Variants in SCAPER observed in about 807,000 individuals in gnomAD.
The protein encoded by SCAPER is S phase cyclin A-associated protein in the endoplasmic reticulum.
SCAPER carries 98 observed loss-of-function variants against 182.2 expected under a neutral mutation model. The ratio of observed to expected loss-of-function variants is 0.54; its 90% confidence interval spans 0.46 to 0.64. The LOEUF (loss-of-function observed/expected upper bound fraction) is 0.64. SCAPER is among the 30% of genes least tolerant of loss of function. The pLI is 0.00. For synonymous variants in SCAPER, 605 were observed against 564.6 expected, an observed-to-expected ratio of 1.07 and a Z score of -1.01; for missense variants, 1,432 against 1,690.0, an observed-to-expected ratio of 0.85 and a Z score of 2.68.
intron 14 of SCAPER, among the ~76,000 whole-genome samples, chr15:76,756,170 G>A (rs1307090591): frequency 6.7e-6 from 1 of 149,012 alleles, no homozygotes; most frequent in Non-Finnish European, 1.5e-5. Context: ...CTTGAACTCG[G>A]GAGGTGGAGG....
intron 5 of SCAPER, among the ~76,000 whole-genome samples, chr15:76,839,849 G>A (rs957951069): frequency 1.3e-5 from 2 of 152,106 alleles, no homozygotes; most frequent in Admixed American, 6.6e-5. Context: ...ACAAAAAGAC[G>A]TCATTGCAAT....
At chr15:76,746,628 G>A (rs935257369) in intron 15 of SCAPER, among the ~76,000 whole-genome samples, 1 of 152,068 alleles carries the variant, frequency 6.6e-6, no homozygotes. Flanking sequence ...GAATCCAAAA[G>A]AATTCACTAA....
At chr15:76,576,721 C>G (rs1329341508) in intron 22 of SCAPER, 1 of 152,180 alleles carries the variant, frequency 6.6e-6, no homozygotes, top group Non-Finnish European at 1.5e-5. Flanking sequence ...GTGGTGCAGA[C>G]AGAGAGTCTA....
chr15:76,348,206 TTAAG>T lies in SCAPER; in HGVS notation c.*423_*426del, dbSNP rs2040303791. 4 of 152,960 alleles carry T rather than the reference TTAAG, an allele frequency of 2.6e-5. No individual in the cohort carries two copies. In the South Asian group the frequency reaches 8.2e-4, roughly 31 times the overall value. 9.5% of individuals were successfully genotyped at this position (152,960 alleles called of 1,614,324 possible). A position where few individuals can be genotyped will look rare whatever the true frequency, so the allele number is the denominator to read the frequency against. ...TAAATTTAGAGCAGGTAAACTTTAA[TTAAG>T]TCTTTATTTAAGATACTTCAAGAGC... On this transcript the variant is annotated 3_prime_UTR_variant, in exon 32 of 32. Coordinates refer to ENST00000563290, the MANE Select transcript of SCAPER (RefSeq NM_020843.4).
chr15:76,715,032 A>T (rs1285531867), intron 17 of SCAPER, among the ~76,000 whole-genome samples: 2 of 152,036 alleles, frequency 1.3e-5, no homozygotes, highest in Non-Finnish European at 2.9e-5. Context: ...GCTATACCCT[A>T]CCACAAACGG....
At chr15:76,572,116 A>C (rs2047472694) in intron 23 of SCAPER, among the ~76,000 whole-genome samples, 1 of 152,150 alleles carries the variant, frequency 6.6e-6, no homozygotes, top group South Asian at 2.1e-4. Flanking sequence ...GTATTTCAGT[A>C]AATTGCCCCT....
chr15:76,679,288 C>T (rs1280520490), intron 20 of SCAPER, among the ~76,000 whole-genome samples: 5 of 152,138 alleles, frequency 3.3e-5, no homozygotes, highest in Admixed American at 6.5e-5. Flanking sequence ...AGAGATTACA[C>T]AAGCAAGTGC....
chr15:76,495,839 T>G (rs2040447435), intron 24 of SCAPER, among the ~76,000 whole-genome samples: 1 of 152,164 alleles, frequency 6.6e-6, no homozygotes, highest in African/African-American at 2.4e-5. Flanking sequence ...AAATGCTGTT[T>G]CTTCCTCTTA....
intron 21 of SCAPER, among the ~76,000 whole-genome samples, chr15:76,637,145 G>A (rs1474915416): frequency 6.6e-6 from 1 of 151,928 alleles, no homozygotes; most frequent in Non-Finnish European, 1.5e-5. Context: ...ATAAAACCCT[G>A]TAGCCATTTA....
Position 76,804,598 on chromosome 15 carries a change from A to G in SCAPER, c.429T>C (p.Asp143=). Residue 143 remains aspartate (D), a synonymous_variant, in exon 6 of 32, where the codon GAT becomes GAC. Transcript: ENST00000563290. ...GAATCCAGTCAATCAATGCTTTGAA[A>G]TCTCTTACATAGTTATCCAGCATCA... ...VLMMLDNYVR[D]FKALIDWIQL... is the part of the protein sequence containing the mutation. 1 of 1,611,360 alleles carries G rather than the reference A, an allele frequency of 6.2e-7. No individual in the cohort carries two copies. The highest frequency in any genetic ancestry group is 8.5e-7 in the Non-Finnish European group (1 of 1,179,330).
At chr15:76,852,124 A>T (rs1173377603) in intron 4 of SCAPER, among the ~76,000 whole-genome samples, 1 of 152,222 alleles carries the variant, frequency 6.6e-6, no homozygotes, top group East Asian at 1.9e-4. Context: ...AAAAGATTCA[A>T]TTCAACAAGA....
chr15:76,815,974 G>C (rs1212762635), intron 5 of SCAPER, among the ~76,000 whole-genome samples: 1 of 152,122 alleles, frequency 6.6e-6, no homozygotes, highest in African/African-American at 2.4e-5. Flanking sequence ...AAAATCTACA[G>C]TAAAAATACG....
chr15:76,854,135 G>T (rs571884426), intron 4 of SCAPER, among the ~76,000 whole-genome samples: 3 of 152,170 alleles, frequency 2.0e-5, no homozygotes, highest in African/African-American at 7.2e-5. Flanking sequence ...TGGGCATGGT[G>T]ACGTGAACCT....
chr15:76,408,164 T>C (rs2045006180), intron 26 of SCAPER, among the ~76,000 whole-genome samples: 1 of 152,246 alleles, frequency 6.6e-6, no homozygotes, highest in South Asian at 2.1e-4. Context: ...AGTCTCTTTT[T>C]AATCTGTTAG....
At chr15:76,703,037 A>G (rs2059047799) in intron 18 of SCAPER, 35 bp from the exon 19 acceptor site, 1 of 1,513,084 alleles carries the variant, frequency 6.6e-7, no homozygotes, top group African/African-American at 1.4e-5. Flanking sequence ...AATTTCAAAA[A>G]TTATTCAAAT....
chr15:76,534,764 G>A (rs2043990238), intron 23 of SCAPER, among the ~76,000 whole-genome samples: 1 of 151,810 alleles, frequency 6.6e-6, no homozygotes, highest in East Asian at 1.9e-4. Flanking sequence ...TAAATTAAGA[G>A]GACATTACAA....
At chr15:76,615,197 A>G (rs961912227) in intron 22 of SCAPER, among the ~76,000 whole-genome samples, 7 of 152,200 alleles carry the variant, frequency 4.6e-5, no homozygotes, top group Admixed American at 4.6e-4. Context: ...ATGTAATAGC[A>G]CTTTGGGAGG....
Position 76,602,725 on chromosome 15 carries a change from C to T in SCAPER, c.2711+19039G>A, listed in dbSNP as rs1201664929. Among the ~76,000 whole-genome samples the T allele has an allele frequency of 1.7e-5, 2 of 119,552 alleles. 1 individual carries two copies. 78.4% of individuals were successfully genotyped at this position (119,552 alleles called of 152,430 possible). On this transcript the variant is annotated intron_variant, in intron 22 of 31. Transcript: ENST00000563290. Reference sequence around the variant, plus strand: ...ATTACATGTACGTTATACCTTTTTGCAGTTGTCCCACAGTTTCAGATATTC... The same window carrying T: ...ATTACATGTACGTTATACCTTTTTGTAGTTGTCCCACAGTTTCAGATATTC...
At chr15:76,451,098 C>G (rs568823883) in intron 25 of SCAPER, among the ~76,000 whole-genome samples, 4 of 152,290 alleles carry the variant, frequency 2.6e-5, no homozygotes, top group African/African-American at 9.6e-5. Context: ...TCTAGAATTT[C>G]AAATAACTGC....
Sources: allele counts gnomAD v4.1 joint callset (sites outside exome capture counted in the v4.1 genomes callset), GRCh38; gene constraint gnomAD v4.1.1; transcripts MANE v1.5; gene names NCBI Gene and HGNC (gene_info 2026-07-23, HGNC 2026-07-21).